The following CSMD1 variants were observed in gnomAD, a reference collection of about 807,000 sequenced individuals.
The protein encoded by CSMD1 is CUB and Sushi multiple domains 1, also known as CUB and sushi domain-containing protein 1.
In CSMD1, 213 loss-of-function variants were observed where a neutral mutation model predicts 417.5. The observed-to-expected ratio is 0.51, with a 90% confidence interval of 0.46 to 0.57. CSMD1 has a LOEUF of 0.57. Ranked by LOEUF, CSMD1 falls within the 20% of genes least tolerant of loss-of-function variation. The probability of loss-of-function intolerance (pLI) is 0.00; values close to 1 mark genes in which losing one functional copy is unlikely to be tolerated. For synonymous variants in CSMD1, 2,862 were observed against 1,736.8 expected (o/e 1.65, Z -16.11); for missense variants, 6,923 against 4,529.7 (o/e 1.53, Z -15.17).
chr8:4,779,866 T>A lies in CSMD1; in HGVS notation c.86-142308A>T, dbSNP rs535003274. Among the ~76,000 whole-genome samples the A allele has an allele frequency of 2.6e-5, 4 of 151,904 alleles. No individual in the cohort carries two copies. In the South Asian group the frequency reaches 8.3e-4, roughly 32 times the overall value. On this transcript the variant is annotated intron_variant, in intron 1 of 69. Transcript: ENST00000635120. ...ACTTCCAAACAGCAGCAGCAACTGC[T>A]CCCCAGGCTTGCTGCTTCGGGGCCT... is the stretch of plus-strand genomic sequence containing the variant.
At chr8:3,597,025 C>A (rs1801127588) in intron 8 of CSMD1, among the ~76,000 whole-genome samples, 1 of 152,138 alleles carries the variant, frequency 6.6e-6, no homozygotes, top group South Asian at 2.1e-4. Flanking sequence ...GGTGCTGATG[C>A]CACCCAGAGC....
chr8:4,609,065 C>G (rs1801033143), intron 2 of CSMD1, among the ~76,000 whole-genome samples: 1 of 151,808 alleles, frequency 6.6e-6, no homozygotes, highest in Non-Finnish European at 1.5e-5. Flanking sequence ...ACTTGAAATC[C>G]TCCACTTTCA....
chr8:4,553,408 C>G (rs758914738), intron 2 of CSMD1, among the ~76,000 whole-genome samples: 1 of 151,174 alleles, frequency 6.6e-6, no homozygotes. Flanking sequence ...TCATTAATTA[C>G]TCCTGACAGG....
In CSMD1 at chr8:4,644,109, C is replaced by A. The variant is rs143735224; in HGVS notation, c.86-6551G>T. ...CGATTTCTCACTGTGGAGTCTTTGC[C>A]CATGAGCAAGGCCTTGAAGGGAGCT... is the stretch of plus-strand genomic sequence containing the variant. On this transcript the variant is annotated intron_variant, in intron 1 of 69. Coordinates refer to ENST00000635120, the MANE Select transcript of CSMD1 (RefSeq NM_033225.6). Among the ~76,000 whole-genome samples, 185 of 152,286 alleles carry A rather than the reference C, an allele frequency of 1.2e-3. 2 individuals carry two copies. In the Middle Eastern group the frequency reaches 0.017, roughly 14 times the overall value.
rs1285753530 is a variant in CSMD1, at chr8:3,000,059, G to A, written c.8102C>T (p.Thr2701Met). 1.1e-5 allele frequency: 18 copies of A among 1,603,426 alleles called. No homozygotes were observed. The highest frequency in any genetic ancestry group is 2.8e-5 in the African/African-American group (2 of 72,018). Residue 2701 changes from threonine to methionine, a missense_variant, in exon 53 of 70, where the codon ACG becomes ATG. Coordinates refer to ENST00000635120, the MANE Select transcript of CSMD1 (RefSeq NM_033225.6). ...ISGDGFSYRD[T>M]VVYQCNPGFR... The stretch of plus-strand genomic sequence containing the variant: ...ACCAGGATTGCACTGGTAAACCACC[G>A]TGTCTCTGTAACTGAAGCCATCTCC...
intron 5 of CSMD1, among the ~76,000 whole-genome samples, chr8:3,965,153 C>G (rs1473608806): frequency 1.3e-5 from 2 of 152,096 alleles, no homozygotes; most frequent in African/African-American, 4.8e-5. Flanking sequence ...TTAATAGTTT[C>G]TTGCTTTTTA....
chr8:3,406,236 A>G lies in CSMD1; in HGVS notation c.2072-15T>C, dbSNP rs12543118. The G allele has an allele frequency of 0.53, 818,911 of 1,557,418 alleles. 217,285 individuals carry two copies. The highest frequency in any genetic ancestry group is 0.59 in the Middle Eastern group (3,500 of 5,896). Reference sequence around the variant, plus strand: ...CTGACCAAATGCTGAAAGAAAAAGAAGAAGAAAAAAGGAATAAAAATACTT... The same window carrying G: ...CTGACCAAATGCTGAAAGAAAAAGAGGAAGAAAAAAGGAATAAAAATACTT... On this transcript the variant is annotated splice_polypyrimidine_tract_variant and intron_variant, in intron 14 of 69. Transcript: ENST00000635120.
chr8:2,952,646 T>C (rs778035260), intron 65 of CSMD1, among the ~76,000 whole-genome samples: 56 of 152,034 alleles, frequency 3.7e-4, no homozygotes, highest in Non-Finnish European at 7.1e-4. Context: ...AATAACTTTA[T>C]TTTCCATTAC....
intron 4 of CSMD1, among the ~76,000 whole-genome samples, chr8:4,016,362 T>C (rs1796522679): frequency 6.6e-6 from 1 of 152,134 alleles, no homozygotes; most frequent in Non-Finnish European, 1.5e-5. Context: ...CAATCTCCTC[T>C]TGCCTGAATT....
chr8:4,113,457 T>C (rs968982048), intron 3 of CSMD1, among the ~76,000 whole-genome samples: 2 of 129,350 alleles, frequency 1.5e-5, no homozygotes, highest in Non-Finnish European at 3.1e-5. Context: ...CAGGCTGGAC[T>C]GCAATGGTGC....
At chr8:4,520,113 A>C (rs1803358946) in intron 2 of CSMD1, among the ~76,000 whole-genome samples, 1 of 152,128 alleles carries the variant, frequency 6.6e-6, no homozygotes, top group African/African-American at 2.4e-5. Flanking sequence ...TCTGGTTTTT[A>C]TTTATACATT....
intron 6 of CSMD1, among the ~76,000 whole-genome samples, chr8:3,712,737 C>G (rs959073223): frequency 5.9e-5 from 9 of 152,148 alleles, no homozygotes; most frequent in African/African-American, 2.2e-4. Context: ...AAGATAACTT[C>G]AATGCACGCC....
At chr8:3,425,292 G>A (rs1009920902) in intron 12 of CSMD1, among the ~76,000 whole-genome samples, 1 of 152,120 alleles carries the variant, frequency 6.6e-6, no homozygotes, top group Non-Finnish European at 1.5e-5. Flanking sequence ...CCTGTATGTT[G>A]AAAATGCCCT....
intron 21 of CSMD1, among the ~76,000 whole-genome samples, chr8:3,353,021 A>G (rs1808517808): frequency 6.6e-6 from 1 of 152,208 alleles, no homozygotes; most frequent in Non-Finnish European, 1.5e-5. Flanking sequence ...CAGGTGTGAG[A>G]GGGAAACTAT....
At chr8:3,990,413 C>G (rs926454135) in intron 5 of CSMD1, among the ~76,000 whole-genome samples, 1 of 152,132 alleles carries the variant, frequency 6.6e-6, no homozygotes, top group Non-Finnish European at 1.5e-5. Context: ...GGGGACTTCT[C>G]TCCCGGGATA....
rs1798006139 is a variant in CSMD1 at position 4,796,838 on chromosome 8, T to G, written c.86-159280A>C. Among the ~76,000 whole-genome samples the G allele has an allele frequency of 2.0e-5, 3 of 152,304 alleles. No homozygotes were observed. The South Asian group carries it at 6.2e-4, about 32-fold the overall frequency. ...TTATCTTGTGCAGTACAATTTCTCTTGGACAATTGCAAAGGTCTGGGGTCA... is the reference window on the plus strand; with the variant it reads ...TTATCTTGTGCAGTACAATTTCTCTGGGACAATTGCAAAGGTCTGGGGTCA... On this transcript the variant is annotated intron_variant, in intron 1 of 69. Transcript: ENST00000635120.
At chr8:4,024,469 G>A (rs1241182970) in intron 4 of CSMD1, among the ~76,000 whole-genome samples, 2 of 152,318 alleles carry the variant, frequency 1.3e-5, no homozygotes, top group African/African-American at 2.4e-5. Flanking sequence ...TGTTAGTAAA[G>A]TTGGGATGAG....
intron 3 of CSMD1, among the ~76,000 whole-genome samples, chr8:4,107,041 C>T (rs999917090): frequency 6.6e-6 from 1 of 152,132 alleles, no homozygotes; most frequent in African/African-American, 2.4e-5. Flanking sequence ...CCACATATCA[C>T]GCGGCACATC....
intron 65 of CSMD1, among the ~76,000 whole-genome samples, chr8:2,953,426 G>C (rs1220335724): frequency 7.3e-6 from 1 of 136,960 alleles, no homozygotes; most frequent in Non-Finnish European, 1.6e-5. Flanking sequence ...CTCTTTCCAT[G>C]TTTGATTCTA....
Sources: gnomAD v4.1 joint callset for allele counts (sites outside exome capture counted in the v4.1 genomes callset) on GRCh38, gnomAD v4.1.1 for gene constraint, MANE v1.5 for transcripts, NCBI Gene and HGNC (gene_info 2026-07-23, HGNC 2026-07-21) for gene names.